TMEM132D: variants seen among roughly 807,000 people sequenced by gnomAD.
The protein encoded by TMEM132D is mature OL transmembrane protein.
TMEM132D carries 21 observed loss-of-function variants against 62.3 expected under a neutral mutation model. The observed-to-expected ratio is 0.34, with a 90% CI of 0.24 to 0.49. The LOEUF (loss-of-function observed/expected upper bound fraction) is 0.49, where lower values mean the gene tolerates loss of function less well. Ranked by LOEUF, TMEM132D falls within the 20% of genes least tolerant of loss-of-function variation. The probability of loss-of-function intolerance (pLI) is 0.99; values close to 1 mark genes in which losing one functional copy is unlikely to be tolerated. For missense variants in TMEM132D, 1,346 were observed against 1,402.8 expected, an observed-to-expected ratio of 0.96 and a Z score of 0.65; for synonymous variants, 621 against 575.6, an observed-to-expected ratio of 1.08 and a Z score of -1.13.
chr12:129,634,159 GCA>G (rs971253755), intron 2 of TMEM132D, among the ~76,000 whole-genome samples: 3 of 152,018 alleles, frequency 2.0e-5, no homozygotes, highest in African/African-American at 7.3e-5. Context: ...TCAGTCCCCG[GCA>G]CACACACTGG....
At chr12:129,793,024 T>C (rs946697258) in intron 1 of TMEM132D, among the ~76,000 whole-genome samples, 1 of 152,116 alleles carries the variant, frequency 6.6e-6, no homozygotes, top group African/African-American at 2.4e-5. Context: ...TGACTATACA[T>C]GAGTATGTGT....
chr12:129,184,280 G>A lies in TMEM132D; in HGVS notation c.1443+25240C>T, dbSNP rs533248246. Reference sequence around the variant, plus strand: ...GCTCTCACTGTCAGAATTCTTTACCGCTGATAAATTACCAACATCAACACA... The same window carrying A: ...GCTCTCACTGTCAGAATTCTTTACCACTGATAAATTACCAACATCAACACA... On this transcript the variant is annotated intron_variant, in intron 5 of 8. Coordinates refer to ENST00000422113, the MANE Select transcript of TMEM132D (RefSeq NM_133448.3). 3.9e-5 allele frequency among the ~76,000 whole-genome samples: 6 copies of A among 152,160 alleles called. No individual in the cohort carries two copies. In the South Asian group the frequency reaches 8.3e-4, roughly 21 times the overall value.
intron 1 of TMEM132D, among the ~76,000 whole-genome samples, chr12:129,772,050 G>A (rs1482376033): frequency 6.6e-6 from 1 of 152,012 alleles, no homozygotes; most frequent in Non-Finnish European, 1.5e-5. Context: ...GGGAGAACTT[G>A]CCCAGAGGTA....
At chr12:129,222,307 G>C (rs2135574100) in intron 4 of TMEM132D, among the ~76,000 whole-genome samples, 1 of 152,114 alleles carries the variant, frequency 6.6e-6, no homozygotes, top group South Asian at 2.1e-4. Context: ...TCTTATCAAG[G>C]TTATCCAAGC....
At chr12:129,524,910 A>ATTTCTTTTTCTT in intron 3 of TMEM132D, among the ~76,000 whole-genome samples, 1 of 137,122 alleles carries the variant, frequency 7.3e-6, no homozygotes, top group East Asian at 2.2e-4. Flanking sequence ...TATTATTTTC[A>ATTTCTTTTTCTT]TATTTTTTTC....
chr12:129,279,093 G>A (rs368181225), intron 4 of TMEM132D, among the ~76,000 whole-genome samples: 9 of 152,112 alleles, frequency 5.9e-5, no homozygotes, highest in Non-Finnish European at 2.9e-5. Context: ...ATTTAGCCAC[G>A]AAATTTAATT....
In TMEM132D at chr12:129,298,019, G is replaced by C. The variant is rs76452561; in HGVS notation, c.1299+39615C>G. 9.1e-3 allele frequency among the ~76,000 whole-genome samples: 1,382 copies of C among 152,270 alleles called. 29 individuals carry two copies. The highest frequency in any genetic ancestry group is 0.031 in the African/African-American group (1,295 of 41,544). ...AAAGAAAAGGATGATGCCACAATCT[G>C]GGTGGGGAGACATGGAAACATTTGA... On this transcript the variant is annotated intron_variant, in intron 4 of 8. Transcript: ENST00000422113.
At chr12:129,681,005 C>T (rs11060497) in intron 2 of TMEM132D, among the ~76,000 whole-genome samples, 4,570 of 152,248 alleles carry the variant, frequency 0.03, 102 homozygotes, top group South Asian at 0.06. Flanking sequence ...AGTTTCCTAT[C>T]AGTGGCTTCA....
intron 3 of TMEM132D, among the ~76,000 whole-genome samples, chr12:129,470,999 C>G (rs897701904): frequency 2.0e-5 from 3 of 152,076 alleles, no homozygotes; most frequent in African/African-American, 7.2e-5. Context: ...GGTGCATGAG[C>G]ATTTCTGGGA....
At chr12:129,663,346 C>T (rs528372861) in intron 2 of TMEM132D, among the ~76,000 whole-genome samples, 2 of 152,188 alleles carry the variant, frequency 1.3e-5, no homozygotes, top group Non-Finnish European at 2.9e-5. Context: ...CCATGTTGGT[C>T]AGGCTGGTCT....
chr12:129,426,683 GTGCT>G (rs1872511354), intron 3 of TMEM132D, among the ~76,000 whole-genome samples: 1 of 152,188 alleles, frequency 6.6e-6, no homozygotes, highest in African/African-American at 2.4e-5. Flanking sequence ...GCTGACACAT[GTGCT>G]TACTCTAAGC....
At chr12:129,359,811 TAAG>T (rs1045733870) in intron 3 of TMEM132D, among the ~76,000 whole-genome samples, 1 of 151,800 alleles carries the variant, frequency 6.6e-6, no homozygotes, top group Non-Finnish European at 1.5e-5. Flanking sequence ...GTATTCTGAA[TAAG>T]AAGAAATGGA....
At chr12:129,825,799 C>T (rs989876526) in intron 1 of TMEM132D, among the ~76,000 whole-genome samples, 1 of 152,176 alleles carries the variant, frequency 6.6e-6, no homozygotes, top group Admixed American at 6.5e-5. Context: ...TGCAGTGGCT[C>T]ACGCCTCTGA....
intron 3 of TMEM132D, among the ~76,000 whole-genome samples, chr12:129,452,227 G>T (rs1156630492): frequency 3.3e-5 from 5 of 152,194 alleles, no homozygotes; most frequent in Admixed American, 3.3e-4. Flanking sequence ...AATAGCGCCT[G>T]TCTTGGAAAA....
intron 5 of TMEM132D, among the ~76,000 whole-genome samples, chr12:129,103,199 G>C (rs1875372355): frequency 2.0e-5 from 3 of 152,172 alleles, no homozygotes; most frequent in Admixed American, 2.0e-4. Context: ...GGAGGGATTT[G>C]CTCCTTCATC....
At chr12:129,391,145 T>C (rs1403741842) in intron 3 of TMEM132D, among the ~76,000 whole-genome samples, 1 of 152,244 alleles carries the variant, frequency 6.6e-6, no homozygotes, top group Non-Finnish European at 1.5e-5. Flanking sequence ...TTCTTGCAAT[T>C]TCATTGTTTT....
At chr12:129,863,128 A>G (rs1044903277) in intron 1 of TMEM132D, among the ~76,000 whole-genome samples, 2 of 152,242 alleles carry the variant, frequency 1.3e-5, no homozygotes, top group African/African-American at 4.8e-5. Context: ...GCTGTGTCAC[A>G]TTAAAGTCAC....
At chr12:129,901,449 T>C (rs1448154533) in intron 1 of TMEM132D, among the ~76,000 whole-genome samples, 2 of 152,266 alleles carry the variant, frequency 1.3e-5, no homozygotes, top group Admixed American at 6.5e-5. Context: ...GCTCAGACTC[T>C]GCTAATTGCT....
intron 2 of TMEM132D, among the ~76,000 whole-genome samples, chr12:129,597,802 T>A (rs957014941): frequency 5.9e-5 from 9 of 152,274 alleles, no homozygotes; most frequent in African/African-American, 2.2e-4. Context: ...GATTTTCCCA[T>A]CCGCCTTGGA....
Sources: gnomAD v4.1 joint callset for allele counts (sites outside exome capture counted in the v4.1 genomes callset) on GRCh38, gnomAD v4.1.1 for gene constraint, MANE v1.5 for transcripts, NCBI Gene and HGNC (gene_info 2026-07-23, HGNC 2026-07-21) for gene names.